Variants in LNX1 observed in about 807,000 individuals in gnomAD.
LNX1 encodes E3 ubiquitin-protein ligase LNX.
Under a neutral mutation model 68.4 loss-of-function variants are expected in LNX1, and 54 were observed. The observed-to-expected ratio is 0.79, with a 90% confidence interval of 0.63 to 0.99. The LOEUF is 0.99. Ranked by LOEUF, LNX1 falls within the 50% of genes least tolerant of loss-of-function variation. The pLI is 0.00. For synonymous variants in LNX1, 336 were observed against 350.0 expected, an observed-to-expected ratio of 0.96 and a Z score of 0.45; for missense variants, 906 against 926.4, an observed-to-expected ratio of 0.98 and a Z score of 0.29.
chr4:53,594,970 C>T (rs1467928822), upstream of LNX1, among the ~76,000 whole-genome samples: 1 of 152,170 alleles, frequency 6.6e-6, no homozygotes, highest in Non-Finnish European at 1.5e-5. Context: ...CCTCGGCCTC[C>T]CAAAGTGCTG....
intron 2 of LNX1, among the ~76,000 whole-genome samples, chr4:53,538,870 C>T (rs920097862): frequency 6.6e-6 from 1 of 152,156 alleles, no homozygotes; most frequent in Non-Finnish European, 1.5e-5. Flanking sequence ...ACTGAAGACC[C>T]TCAATAGCGA....
intron 1 of LNX1, among the ~76,000 whole-genome samples, chr4:53,586,494 A>G (rs1331323503): frequency 6.6e-6 from 1 of 152,214 alleles, no homozygotes; most frequent in Non-Finnish European, 1.5e-5. Context: ...GTCAAACACA[A>G]GAAGCAAATA....
chr4:53,620,394 G>A (rs1179712185), upstream of LNX1, among the ~76,000 whole-genome samples: 3 of 152,224 alleles, frequency 2.0e-5, no homozygotes, highest in Non-Finnish European at 1.5e-5. Context: ...ACCAATCTGT[G>A]TTTTAGCAAG....
chr4:53,489,178 G>A (rs1009114765), intron 6 of LNX1, among the ~76,000 whole-genome samples: 58 of 152,078 alleles, frequency 3.8e-4, no homozygotes, highest in African/African-American at 1.3e-3. Context: ...CCTTCAATGA[G>A]CTAAAAGCAA....
chr4:53,612,884 CA>C (rs1560694054), intron 2 of LNX1, among the ~76,000 whole-genome samples: 1 of 150,456 alleles, frequency 6.6e-6, no homozygotes, highest in Non-Finnish European at 1.5e-5. Context: ...GACCCCATTT[CA>C]AAAAAATAAA....
Position 53,608,162 on chromosome 4 carries a change from T to C in LNX1, c.-215+8355A>G, listed in dbSNP as rs537220265. The stretch of plus-strand genomic sequence containing the variant: ...AGCATCTACACAGCAAAAGAAGTGA[T>C]CAACAGAGTAAACAGACAGCCTACA... On this transcript the variant is annotated intron_variant, in intron 2 of 3. Coordinates refer to the LNX1 transcript ENST00000504299. Among the ~76,000 whole-genome samples the C allele has an allele frequency of 7.9e-4, 121 of 152,256 alleles. 1 individual carries two copies. Among genetic ancestry groups the C allele is most frequent in the Non-Finnish European group, 1.5e-3 (103 of 68,000 alleles).
chr4:53,490,917 A>ATT (rs146022876), intron 6 of LNX1, among the ~76,000 whole-genome samples: 27 of 151,366 alleles, frequency 1.8e-4, no homozygotes, highest in African/African-American at 4.8e-4. Context: ...CTTTGCTCCC[A>ATT]TTTTTTTTTA....
chr4:53,561,151 T>C (rs745475951), intron 2 of LNX1, among the ~76,000 whole-genome samples: 1 of 152,244 alleles, frequency 6.6e-6, no homozygotes, highest in African/African-American at 2.4e-5. Context: ...ACAATTATTA[T>C]GAGATGCTTA....
intron 9 of LNX1, among the ~76,000 whole-genome samples, chr4:53,467,515 G>A (rs1423695601): frequency 6.6e-6 from 1 of 152,136 alleles, no homozygotes; most frequent in Non-Finnish European, 1.5e-5. Context: ...AGTTGAGAGA[G>A]GAAGGCTTCA....
chr4:53,582,921 T>C (rs1731927595), intron 1 of LNX1, among the ~76,000 whole-genome samples: 1 of 152,080 alleles, frequency 6.6e-6, no homozygotes, highest in Non-Finnish European at 1.5e-5. Context: ...CTTCTTCAAA[T>C]GGTGGCCTCA....
intron 6 of LNX1, among the ~76,000 whole-genome samples, chr4:53,492,706 G>A (rs745651431): frequency 1.6e-4 from 25 of 152,164 alleles, no homozygotes; most frequent in Non-Finnish European, 3.2e-4. Flanking sequence ...GCTGAGGTGA[G>A]TCAAAGTTCT....
rs188229812 is a variant in LNX1, at chr4:53,467,873, C to G, written c.1893-6280G>C. Among the ~76,000 whole-genome samples the G allele has an allele frequency of 1.6e-4, 24 of 152,286 alleles. No homozygotes were observed. In the East Asian group the frequency reaches 3.7e-3, roughly 23 times the overall value. ...ACCAAATCTATGTCTGATTGGTGTA[C>G]CTGAAAGTGACGAGGAGAATGGAAC... On this transcript the variant is annotated intron_variant, in intron 9 of 10. Coordinates refer to ENST00000263925, the MANE Select transcript of LNX1 (RefSeq NM_001126328.3).
intron 2 of LNX1, among the ~76,000 whole-genome samples, chr4:53,552,812 G>A (rs1435402329): frequency 2.4e-5 from 3 of 125,806 alleles, no homozygotes; most frequent in Non-Finnish European, 3.2e-5. Context: ...CTGGGCAACA[G>A]AGCAAGACTC....
intron 2 of LNX1, among the ~76,000 whole-genome samples, chr4:53,614,424 A>G (rs1394974234): frequency 6.6e-6 from 1 of 152,062 alleles, no homozygotes; most frequent in African/African-American, 2.4e-5. Context: ...CTCTACCTCT[A>G]TCCCTTCTCA....
At chr4:53,642,143 GCT>G (rs1734710835) in intron 1 of LNX1, among the ~76,000 whole-genome samples, 1 of 149,724 alleles carries the variant, frequency 6.7e-6, no homozygotes, top group Non-Finnish European at 1.5e-5. Flanking sequence ...GATTGCTTGA[GCT>G]CAAAAGGTTG....
rs1156517389 is a variant in LNX1, at chr4:53,562,274, G to T, written c.380+11349C>A. Among the ~76,000 whole-genome samples, 3 of 152,308 alleles carry T rather than the reference G, an allele frequency of 2.0e-5. No homozygotes were observed. In the East Asian group the frequency reaches 5.8e-4, roughly 29 times the overall value. ...CTCTCCAGGGGCCCCACTACACACT[G>T]GTAATGGCCTCCAGTTAGGAAGGCT... is the stretch of plus-strand genomic sequence containing the variant. On this transcript the variant is annotated intron_variant, in intron 2 of 10. Coordinates refer to ENST00000263925, the MANE Select transcript of LNX1 (RefSeq NM_001126328.3).
intron 6 of LNX1, among the ~76,000 whole-genome samples, chr4:53,493,262 C>T (rs1369566369): frequency 6.6e-6 from 1 of 152,208 alleles, no homozygotes; most frequent in Non-Finnish European, 1.5e-5. Context: ...CCACCACACC[C>T]AGCCAGAAAA....
At chr4:53,592,484 A>G (rs767356741), upstream of LNX1, among the ~76,000 whole-genome samples, 19 of 152,098 alleles carry the variant, frequency 1.2e-4, no homozygotes, top group Non-Finnish European at 2.4e-4. Context: ...TCCCATTGAA[A>G]CGCTGCGTAT....
chr4:53,625,934 C>T (rs940865069), intron 1 of LNX1, among the ~76,000 whole-genome samples: 3 of 151,374 alleles, frequency 2.0e-5, no homozygotes, highest in African/African-American at 7.3e-5. Context: ...AAGATGTGTA[C>T]ACAAACATTC....
Sources: allele counts gnomAD v4.1 joint callset (sites outside exome capture counted in the v4.1 genomes callset), GRCh38; gene constraint gnomAD v4.1.1; transcripts MANE v1.5; gene names NCBI Gene and HGNC (gene_info 2026-07-23, HGNC 2026-07-21).